SCMH1: variants seen among roughly 807,000 people sequenced by gnomAD.
The protein encoded by SCMH1 is Scm polycomb group protein homolog 1.
SCMH1 carries 37 observed loss-of-function variants against 70.8 expected under a neutral mutation model. The observed-to-expected ratio is 0.52, with a 90% CI of 0.40 to 0.69. SCMH1 has a LOEUF of 0.69. Among genes scored for constraint, SCMH1 ranks in the 30% least tolerant of loss-of-function variants. The probability of loss-of-function intolerance (pLI) is 0.00; values close to 1 mark genes in which losing one functional copy is unlikely to be tolerated. For synonymous variants in SCMH1, 292 were observed against 307.4 expected (o/e 0.95, Z 0.52); for missense variants, 607 against 827.3 (o/e 0.73, Z 3.27).
In SCMH1 at chr1:41,086,706, A is replaced by G. The variant is rs1470916651; in HGVS notation, c.746-11255T>C. On this transcript the variant is annotated intron_variant, in intron 8 of 14. Coordinates refer to ENST00000337495, the Ensembl canonical transcript of SCMH1. ...GGTCACTTGAGGCTAGGAATTCAAG[A>G]CCAGCCTATGCAACATAGCAAGATG... Among the ~76,000 whole-genome samples, 9 of 152,160 alleles carry G rather than the reference A, an allele frequency of 5.9e-5. No homozygotes were observed. In the East Asian group the frequency reaches 1.5e-3, roughly 26 times the overall value.
At chr1:41,087,550 A>C (rs1662092717) in intron 8 of SCMH1, among the ~76,000 whole-genome samples, 1 of 152,256 alleles carries the variant, frequency 6.6e-6, no homozygotes, top group East Asian at 1.9e-4. Context: ...CACCCTAGAC[A>C]TATGAAAAGA....
chr1:41,231,128 T>G (rs942737019), intron 1 of SCMH1, among the ~76,000 whole-genome samples: 11 of 152,174 alleles, frequency 7.2e-5, no homozygotes, highest in African/African-American at 2.7e-4. Context: ...CTGATCAAAC[T>G]GTGGTCTATT....
chr1:41,217,048 A>T (rs1351530528), intron 1 of SCMH1, among the ~76,000 whole-genome samples: 1 of 152,156 alleles, frequency 6.6e-6, no homozygotes, highest in African/African-American at 2.4e-5. Flanking sequence ...GTGGCTTTGG[A>T]ATGGGGTAAC....
chr1:41,028,942 G>A (rs1440296657), intron 13 of SCMH1, among the ~76,000 whole-genome samples: 1 of 150,934 alleles, frequency 6.6e-6, no homozygotes, highest in East Asian at 1.9e-4. Context: ...TTTTGGAAAT[G>A]GCCAGAAGAA....
intron 2 of SCMH1, among the ~76,000 whole-genome samples, chr1:41,177,565 C>A (rs1266742800): frequency 6.6e-6 from 1 of 152,136 alleles, no homozygotes; most frequent in African/African-American, 2.4e-5. Context: ...GAGCTGAAAA[C>A]CATGGCATGA....
chr1:41,145,014 A>C (rs1325637057), intron 5 of SCMH1, among the ~76,000 whole-genome samples: 1 of 152,122 alleles, frequency 6.6e-6, no homozygotes, highest in Non-Finnish European at 1.5e-5. Context: ...ATAATTCTCA[A>C]ATATTTTCTC....
intron 8 of SCMH1, among the ~76,000 whole-genome samples, chr1:41,080,794 A>T (rs1265188285): frequency 1.3e-5 from 2 of 152,178 alleles, no homozygotes; most frequent in African/African-American, 4.8e-5. Context: ...CATCTATAAA[A>T]AACCTATAAT....
intron 8 of SCMH1, among the ~76,000 whole-genome samples, chr1:41,082,654 G>T (rs141187908): frequency 9.9e-5 from 15 of 151,898 alleles, no homozygotes; most frequent in African/African-American, 2.4e-4. Context: ...TACCAAAGCC[G>T]GGCAGAGACA....
At chr1:41,168,607 C>T (rs1572789731) in intron 2 of SCMH1, among the ~76,000 whole-genome samples, 2 of 143,668 alleles carry the variant, frequency 1.4e-5, no homozygotes, top group South Asian at 2.2e-4. Flanking sequence ...AATCACATAT[C>T]TCTATTTCAC....
chr1:41,039,633 AT>A (rs367832952), intron 12 of SCMH1, among the ~76,000 whole-genome samples: 94 of 146,178 alleles, frequency 6.4e-4, no homozygotes, highest in Middle Eastern at 3.5e-3. Flanking sequence ...TGCCCCACTG[AT>A]TTTTTTTTTT....
intron 13 of SCMH1, among the ~76,000 whole-genome samples, chr1:41,030,864 G>A (rs1644421556): frequency 1.3e-5 from 2 of 152,204 alleles, no homozygotes; most frequent in Admixed American, 6.5e-5. Context: ...ACAGATAATA[G>A]TTACTTGTAT....
In SCMH1 at chr1:41,222,891, G is replaced by A. The variant is rs575456230; in HGVS notation, c.-118+19168C>T. On this transcript the variant is annotated intron_variant, in intron 1 of 14. Coordinates refer to ENST00000337495, the Ensembl canonical transcript of SCMH1. ...TGATTTCTGATGATAGGGTAATAGGGAAAACTGGAGAAGATCCTAGCCCAC... is the reference window on the plus strand; with the variant it reads ...TGATTTCTGATGATAGGGTAATAGGAAAAACTGGAGAAGATCCTAGCCCAC... Among the ~76,000 whole-genome samples the A allele has an allele frequency of 3.3e-3, 510 of 152,264 alleles. 3 individuals are homozygous for A. The Middle Eastern group carries it at 0.048, about 14-fold the overall frequency.
At chr1:41,037,456 G>T (rs1360886936) in exon 13 of SCMH1, 1 of 1,614,222 alleles carries the variant, frequency 6.2e-7, no homozygotes. Flanking sequence ...TGCTGACAAG[G>T]TTGGTGGGAT....
intron 8 of SCMH1, among the ~76,000 whole-genome samples, chr1:41,091,458 C>T (rs1326055486): frequency 6.6e-6 from 1 of 152,142 alleles, no homozygotes; most frequent in Non-Finnish European, 1.5e-5. Context: ...TGGAAGCATT[C>T]CCTTTGAAAA....
At chr1:41,197,982 TACTA>T (rs1226400217) in intron 1 of SCMH1, among the ~76,000 whole-genome samples, 2 of 152,340 alleles carry the variant, frequency 1.3e-5, no homozygotes, top group African/African-American at 4.8e-5. Flanking sequence ...TGGGCTTGAA[TACTA>T]ACTTTGTCAC....
intron 8 of SCMH1, among the ~76,000 whole-genome samples, chr1:41,088,029 T>C (rs1428281074): frequency 1.3e-5 from 2 of 151,108 alleles, no homozygotes; most frequent in Non-Finnish European, 2.9e-5. Flanking sequence ...ATTGATTGTA[T>C]ACACACACAC....
rs761398739 is a variant in SCMH1 at position 41,070,712 on chromosome 1, G to A, written c.988C>T (p.Arg330Trp). ...GCAGGTGGTGGGTTCAGCAAAGTCC[G>A]AGGTTTCCTCTGTCAAAATGAATGG... is the stretch of plus-strand genomic sequence containing the variant. The change falls in exon 10 of 15, where the codon CGG becomes TGG. Residue 330 changes from arginine (R) to tryptophan (W), a missense_variant. Transcript: ENST00000337495. The A allele has an allele frequency of 2.5e-6, 4 of 1,613,880 alleles. No individual in the cohort carries two copies. The African/African-American group carries it at 4.0e-5, about 16-fold the overall frequency.
At chr1:41,118,916 T>A (rs879888512) in intron 6 of SCMH1, among the ~76,000 whole-genome samples, 1 of 152,246 alleles carries the variant, frequency 6.6e-6, no homozygotes, top group Non-Finnish European at 1.5e-5. Context: ...CAGTATCTGA[T>A]GTTATTGAGC....
chr1:41,065,207 G>A (rs1654166798), intron 10 of SCMH1, among the ~76,000 whole-genome samples: 1 of 152,110 alleles, frequency 6.6e-6, no homozygotes, highest in African/African-American at 2.4e-5. Flanking sequence ...AATCAGCTGG[G>A]GGTGGTGGCT....
Sources: allele counts gnomAD v4.1 joint callset (sites outside exome capture counted in the v4.1 genomes callset), GRCh38; gene constraint gnomAD v4.1.1; transcripts MANE v1.5; gene names NCBI Gene and HGNC (gene_info 2026-07-23, HGNC 2026-07-21).